Variants in KMT2C observed in about 807,000 individuals in gnomAD.
The protein encoded by KMT2C is histone-lysine N-methyltransferase 2C.
In KMT2C, 88 loss-of-function variants were observed where a neutral mutation model predicts 507.9. The observed-to-expected ratio is 0.17, with a 90% CI of 0.15 to 0.21. The LOEUF is 0.21. KMT2C is among the 10% of genes least tolerant of loss of function. The pLI is 1.00. For synonymous variants in KMT2C, 2,049 were observed against 2,080.8 expected (o/e 0.98, Z 0.42); for missense variants, 4,954 against 5,957.8 (o/e 0.83, Z 5.55).
chr7:152,201,264 GCCTC>G (rs2129134129), intron 26 of KMT2C, among the ~76,000 whole-genome samples: 1 of 147,992 alleles, frequency 6.8e-6, no homozygotes, highest in South Asian at 2.2e-4. Context: ...CATTAAAAAG[GCCTC>G]CCTCATGTCA....
In KMT2C at chr7:152,181,444, C is replaced by T. The variant is rs1400133609; in HGVS notation, c.6416G>A (p.Arg2139Gln). 1.8e-5 allele frequency: 29 copies of T among 1,613,654 alleles called. No individual in the cohort carries two copies. The highest frequency in any genetic ancestry group is 2.3e-5 in the Non-Finnish European group (27 of 1,179,958). ...TTGGGAATAAGAATCTACAACAGGT[C>T]GTGGAGTTCCTGGGGGTTGGGAGTA... ...DPYSQPPGTP[R>Q]PVVDSYSQSS... Residue 2139 changes from arginine to glutamine, a missense_variant, in exon 36 of 59, where the codon CGA becomes CAA. Around this residue, in one of 29 missense-constraint regions of KMT2C, gnomAD observed 1,689 missense variants for 1,654.3 expected, o/e 1.02. Coordinates refer to ENST00000262189, the MANE Select transcript of KMT2C (RefSeq NM_170606.3).
intron 23 of KMT2C, among the ~76,000 whole-genome samples, 161 bp from the exon 24 acceptor site, chr7:152,207,589 T>C (rs531796132): frequency 6.6e-6 from 1 of 152,262 alleles, no homozygotes; most frequent in African/African-American, 2.4e-5. Flanking sequence ...CCCCAAATGG[T>C]TGTAGAAATT....
At chr7:152,375,615 A>G (rs2097323393) in intron 1 of KMT2C, among the ~76,000 whole-genome samples, 1 of 151,534 alleles carries the variant, frequency 6.6e-6, no homozygotes, top group Non-Finnish European at 1.5e-5. Flanking sequence ...CAAACTCCTG[A>G]CCTCAGGTGA....
At chr7:152,232,922 A>G (rs1162462877) in intron 16 of KMT2C, among the ~76,000 whole-genome samples, 1 of 152,190 alleles carries the variant, frequency 6.6e-6, no homozygotes, top group Non-Finnish European at 1.5e-5. Flanking sequence ...CTAACAGAAA[A>G]TTCAACACAT....
intron 6 of KMT2C, among the ~76,000 whole-genome samples, chr7:152,290,258 G>GTGTGTGTGTATATATATATATATA (rs1337492088): frequency 3.8e-5 from 1 of 26,242 alleles, no homozygotes; most frequent in African/African-American, 1.4e-4. Flanking sequence ...GTGTGTATGT[G>GTGTGTGTGTATATATATATATATA]TATATATATA....
chr7:152,290,258 G>GTGTGTGTGTGTATATATATA (rs1337492088), intron 6 of KMT2C, among the ~76,000 whole-genome samples: 2 of 26,242 alleles, frequency 7.6e-5, no homozygotes, highest in African/African-American at 2.8e-4. Context: ...GTGTGTATGT[G>GTGTGTGTGTGTATATATATA]TATATATATA....
chr7:152,417,946 T>C (rs1374157625), intron 1 of KMT2C, among the ~76,000 whole-genome samples: 1 of 113,414 alleles, frequency 8.8e-6, no homozygotes, highest in Non-Finnish European at 1.7e-5. Context: ...CCACCCTCTT[T>C]CTTTTAAAAA....
At chr7:152,421,567 A>T (rs2097777435) in intron 1 of KMT2C, among the ~76,000 whole-genome samples, 1 of 152,216 alleles carries the variant, frequency 6.6e-6, no homozygotes. Flanking sequence ...GCCATAAAAA[A>T]AGAATGAAAT....
chr7:152,251,128 T>C (rs2095555847), intron 11 of KMT2C, among the ~76,000 whole-genome samples, 162 bp from the exon 12 acceptor site: 1 of 152,194 alleles, frequency 6.6e-6, no homozygotes, highest in Non-Finnish European at 1.5e-5. Flanking sequence ...TATTTACATT[T>C]TTAAAAAACA....
At chr7:152,424,889 T>C (rs995639498) in intron 1 of KMT2C, among the ~76,000 whole-genome samples, 2 of 152,176 alleles carry the variant, frequency 1.3e-5, no homozygotes, top group African/African-American at 2.4e-5. Context: ...TGACAGCTTC[T>C]TGCACGGCAG....
At chr7:152,367,749 ATT>A in intron 1 of KMT2C, 1 of 1,086,620 alleles carries the variant, frequency 9.2e-7, no homozygotes, top group Non-Finnish European at 1.4e-6. Context: ...TATCGATTAC[ATT>A]GATAGTAAAT....
chr7:152,260,644 A>C (rs1033266202), intron 9 of KMT2C, among the ~76,000 whole-genome samples: 19 of 152,298 alleles, frequency 1.2e-4, no homozygotes, highest in African/African-American at 4.6e-4. Context: ...TCAGAGTATA[A>C]GAAAGAAAAA....
rs2129114571 is a variant in KMT2C at position 152,177,301 on chromosome 7, C to G, written c.8152G>C (p.Glu2718Gln). Residue 2718 changes from glutamate to glutamine, a missense_variant, in exon 38 of 59, where the codon GAA (glutamate) becomes CAA (glutamine). Physicochemically the swap from Glu to Gln is conservative, Grantham distance 29. Around this residue, in one of 29 missense-constraint regions of KMT2C, gnomAD observed 1,689 missense variants for 1,654.3 expected, o/e 1.02. Coordinates refer to ENST00000262189, the MANE Select transcript of KMT2C (RefSeq NM_170606.3). ...TCCTCTGTATCTAAATTTAAGTTTT[C>G]AAGATCTTCATCATCTAAGTCTTTG... ...EVKDLDDEDL[E>Q]NLNLDTEDGK... is the part of the protein sequence containing the mutation. The G allele has an allele frequency of 6.2e-7, 1 of 1,614,038 alleles. No homozygotes were observed. The highest frequency in any genetic ancestry group is 8.5e-7 in the Non-Finnish European group (1 of 1,180,026).
chr7:152,246,027 A>G (rs2095467372), intron 14 of KMT2C, among the ~76,000 whole-genome samples: 1 of 152,198 alleles, frequency 6.6e-6, no homozygotes, highest in African/African-American at 2.4e-5. Flanking sequence ...CTAATACCAA[A>G]GAAATTCATG....
intron 1 of KMT2C, among the ~76,000 whole-genome samples, chr7:152,369,304 C>A (rs1194406733): frequency 1.3e-5 from 2 of 149,070 alleles, no homozygotes; most frequent in Non-Finnish European, 3.0e-5. Context: ...GCCTGGGCAA[C>A]AGAGTGAGGC....
At chr7:152,222,183 G>A (rs1221014717) in intron 21 of KMT2C, 117 bp from the exon 22 acceptor site, 10 of 662,754 alleles carry the variant, frequency 1.5e-5, no homozygotes, top group Admixed American at 3.7e-5. Context: ...ATAAATGTTT[G>A]AACACTAAAG....
chr7:152,208,466 T>TG (rs1338700942), intron 23 of KMT2C, among the ~76,000 whole-genome samples: 1 of 152,248 alleles, frequency 6.6e-6, no homozygotes, highest in Non-Finnish European at 1.5e-5. Flanking sequence ...TCTGTGTCCC[T>TG]GCTAGACTAT....
chr7:152,179,151 A>G (rs763353906), intron 37 of KMT2C, among the ~76,000 whole-genome samples: 2 of 152,106 alleles, frequency 1.3e-5, no homozygotes, highest in Non-Finnish European at 2.9e-5. Flanking sequence ...GCCTGCCGCC[A>G]TAGCCGGCCA....
At chr7:152,234,381 T>A (rs112491118) in intron 16 of KMT2C, among the ~76,000 whole-genome samples, 1 of 149,524 alleles carries the variant, frequency 6.7e-6, no homozygotes, top group Admixed American at 6.7e-5. Context: ...AAACTCTATC[T>A]CAAAAGAAAG....
Sources: gnomAD v4.1 joint callset for allele counts (sites outside exome capture counted in the v4.1 genomes callset) on GRCh38, gnomAD v4.1.1 for gene constraint, gnomAD v4.1.1 regional missense constraint, MANE v1.5 for transcripts, NCBI Gene and HGNC (gene_info 2026-07-23, HGNC 2026-07-21) for gene names.